CEP170: variants seen among roughly 807,000 people sequenced by gnomAD.
The protein encoded by CEP170 is centrosomal protein of 170 kDa.
CEP170 carries 21 observed loss-of-function variants against 151.9 expected under a neutral mutation model. The ratio of observed to expected loss-of-function variants is 0.14; its 90% CI spans 0.10 to 0.20. CEP170 has a LOEUF of 0.20. Ranked by LOEUF, CEP170 falls within the 10% of genes least tolerant of loss-of-function variation. CEP170 has a pLI of 1.00. For synonymous variants in CEP170, 356 were observed against 648.8 expected (o/e 0.55, Z 6.86); for missense variants, 964 against 1,892.9 (o/e 0.51, Z 9.11).
At chr1:243,152,520 C>CCTT (rs1558429307) in intron 14 of CEP170, among the ~76,000 whole-genome samples, 3 of 63,490 alleles carry the variant, frequency 4.7e-5, no homozygotes, top group Non-Finnish European at 6.2e-5. Context: ...CGCGCCCAGC[C>CCTT]ATTTTTTTTT....
In CEP170 at chr1:243,164,264, G is replaced by A. The variant is rs2148533838; in HGVS notation, c.3676+20C>T. 6.8e-7 allele frequency: 1 copy of A among 1,461,926 alleles called. No homozygotes were observed. The highest frequency in any genetic ancestry group is 9.1e-7 in the Non-Finnish European group (1 of 1,104,838). The allele number at this position is 1,461,926 out of a possible 1,614,324, so 90.6% of individuals were successfully genotyped here. ...AATATACAACATGCTAATGCTATTA[G>A]AAATCTGGATCCAATTTACCTGAAG... On this transcript the variant is annotated intron_variant, in intron 13 of 19. Coordinates refer to ENST00000366542, the MANE Select transcript of CEP170 (RefSeq NM_014812.3).
intron 1 of CEP170, among the ~76,000 whole-genome samples, chr1:243,228,846 A>G (rs1290117472): frequency 1.3e-5 from 2 of 152,354 alleles, no homozygotes; most frequent in East Asian, 3.9e-4. Context: ...GGCTTTTTAC[A>G]TATTTCATCT....
rs2057545837 is a variant in CEP170, at chr1:243,156,311, G to C, written c.3821C>G (p.Ala1274Gly). 1 of 1,591,738 alleles carries C rather than the reference G, an allele frequency of 6.3e-7. No homozygotes were observed. Among genetic ancestry groups the C allele is most frequent in the Non-Finnish European group, 8.6e-7 (1 of 1,169,280 alleles). ...TTTGAATGAAGAACTAGTAGGCATT[G>C]CTGATCCAGCGCTCTGCAAGCGAGT... ...KTTRLQSAGSAMPTSSSFKHR... is the reference protein window; with the variant it reads ...KTTRLQSAGSGMPTSSSFKHR... The change falls in exon 14 of 20, where the codon GCA becomes GGA. Residue 1274 changes from alanine to glycine, a missense_variant. Physicochemically the swap from Ala to Gly is moderately conservative, Grantham distance 60. Coordinates refer to ENST00000366542, the MANE Select transcript of CEP170 (RefSeq NM_014812.3).
chr1:243,250,977 TGA>T (rs1213763612), intron 1 of CEP170, among the ~76,000 whole-genome samples: 2 of 152,266 alleles, frequency 1.3e-5, no homozygotes, highest in African/African-American at 4.8e-5. Context: ...TGAATCCAGC[TGA>T]GAGATGTGAG....
intron 1 of CEP170, among the ~76,000 whole-genome samples, chr1:243,242,409 G>T (rs1299797347): frequency 1.3e-5 from 2 of 151,770 alleles, no homozygotes; most frequent in East Asian, 1.9e-4. Flanking sequence ...TAGTAGAGAC[G>T]GGGTTTCACC....
Position 243,164,569 on chromosome 1 carries a change from T to C in CEP170, c.3391A>G (p.Thr1131Ala). ...GTGGGAGGTTTTGATGTAGAACTTG[T>C]TGTGGATACTTCAGAAGCAACAGAT... ...KASVASEVST[T>A]SSTSKPPTGR... The change falls in exon 13 of 20, where the codon ACA (threonine) becomes GCA (alanine). Residue 1131 changes from threonine (T) to alanine (A), a missense_variant. Physicochemically the swap from Thr to Ala is moderately conservative, Grantham distance 58. Coordinates refer to ENST00000366542, the MANE Select transcript of CEP170 (RefSeq NM_014812.3). 3 of 1,613,622 alleles carry C rather than the reference T, an allele frequency of 1.9e-6. No individual in the cohort carries two copies. The highest frequency in any genetic ancestry group is 2.5e-6 in the Non-Finnish European group (3 of 1,179,672).
intron 7 of CEP170, among the ~76,000 whole-genome samples, chr1:243,196,797 A>G (rs1457117024): frequency 2.0e-5 from 3 of 152,166 alleles, no homozygotes; most frequent in Admixed American, 6.6e-5. Flanking sequence ...GGAGGCACAC[A>G]CACAACATAA....
chr1:243,189,195 C>G (rs1172380274), intron 8 of CEP170, among the ~76,000 whole-genome samples: 2 of 152,134 alleles, frequency 1.3e-5, no homozygotes, highest in African/African-American at 4.8e-5. Flanking sequence ...ATTAATCCCT[C>G]TATTTGGAAT....
At chr1:243,190,963 G>A (rs2060274208) in intron 8 of CEP170, 55 bp downstream of exon 8, 1 of 1,464,778 alleles carries the variant, frequency 6.8e-7, no homozygotes, top group East Asian at 2.5e-5. Flanking sequence ...AGTAAATGAA[G>A]ACCAGATTTT....
chr1:243,150,654 T>C (rs912662850), intron 14 of CEP170, among the ~76,000 whole-genome samples: 18 of 151,966 alleles, frequency 1.2e-4, no homozygotes, highest in African/African-American at 4.4e-4. Flanking sequence ...AAATTCCAAT[T>C]ATATCTGGAT....
intron 1 of CEP170, among the ~76,000 whole-genome samples, chr1:243,228,893 G>C (rs538786721): frequency 3.9e-5 from 6 of 152,222 alleles, no homozygotes; most frequent in Non-Finnish European, 5.9e-5. Context: ...CATAGTTTCT[G>C]AAAAATACAA....
intron 17 of CEP170, 199 bp downstream of exon 17, chr1:243,135,944 T>C: frequency 3.7e-6 from 2 of 547,102 alleles, no homozygotes; most frequent in Non-Finnish European, 6.4e-6. Flanking sequence ...GAAGTACTGT[T>C]GAATAAAATC....
intron 1 of CEP170, among the ~76,000 whole-genome samples, chr1:243,252,834 T>C (rs2066064534): frequency 6.6e-6 from 1 of 152,090 alleles, no homozygotes; most frequent in African/African-American, 2.4e-5. Context: ...AATTAAACGA[T>C]TAAAATTATA....
chr1:243,221,258 C>T (rs2062792661), intron 3 of CEP170, among the ~76,000 whole-genome samples: 1 of 152,144 alleles, frequency 6.6e-6, no homozygotes, highest in Admixed American at 6.5e-5. Context: ...CTCCTGACCT[C>T]GTGATCCGCC....
Position 243,191,453 on chromosome 1 carries a change from C to G in CEP170, c.673G>C (p.Ala225Pro). 6.8e-7 allele frequency: 1 copy of G among 1,478,594 alleles called. No homozygotes were observed. 91.6% of individuals were successfully genotyped at this position (1,478,594 alleles called of 1,614,324 possible). A position where few individuals can be genotyped will look rare whatever the true frequency, so the allele number is the denominator to read the frequency against. Reference protein sequence around the residue: ...DAKQVEEQSAAANEEVLFPFC... With the variant: ...DAKQVEEQSAPANEEVLFPFC... ...GGAAAAAGTACTTCTTCATTTGCAG[C>G]TGCAGATTGTTCCTCAACTTGCTTG... Residue 225 changes from alanine (A) to proline (P), a missense_variant, in exon 8 of 20, where the codon GCT becomes CCT. Transcript: ENST00000366542.
intron 10 of CEP170, among the ~76,000 whole-genome samples, chr1:243,175,606 A>G (rs1220744428): frequency 6.6e-6 from 1 of 152,188 alleles, no homozygotes; most frequent in Non-Finnish European, 1.5e-5. Flanking sequence ...GTCTGAAAAA[A>G]GAGCTGATAA....
At chr1:243,217,121 T>C (rs1446430821) in intron 3 of CEP170, among the ~76,000 whole-genome samples, 3 of 152,222 alleles carry the variant, frequency 2.0e-5, no homozygotes, top group Admixed American at 6.5e-5. Flanking sequence ...CTGAATATTG[T>C]ATGCAATTGT....
intron 3 of CEP170, among the ~76,000 whole-genome samples, chr1:243,215,656 T>A (rs935083825): frequency 6.6e-6 from 1 of 152,136 alleles, no homozygotes; most frequent in South Asian, 2.1e-4. Flanking sequence ...GCGTGCCCAG[T>A]GGGACATGAT....
chr1:243,126,221 C>T lies in CEP170; in HGVS notation c.*228G>A. ...AATCATAAAACCACAAAAGGCGACA[C>T]TGCCACAATCTGCTTTTTCCTATTT... On this transcript the variant is annotated 3_prime_UTR_variant, in exon 20 of 20. Coordinates refer to ENST00000366542, the MANE Select transcript of CEP170 (RefSeq NM_014812.3). 3.1e-6 allele frequency: 2 copies of T among 642,920 alleles called. No individual in the cohort carries two copies. Among genetic ancestry groups the T allele is most frequent in the Non-Finnish European group, 5.8e-6 (2 of 346,138 alleles). The allele number at this position is 642,920 out of a possible 1,614,324, so 39.8% of individuals were successfully genotyped here.
Sources: gnomAD v4.1 joint callset for allele counts (sites outside exome capture counted in the v4.1 genomes callset) on GRCh38, gnomAD v4.1.1 for gene constraint, MANE v1.5 for transcripts, NCBI Gene and HGNC (gene_info 2026-07-23, HGNC 2026-07-21) for gene names.